The following KCNN2 variants were observed in gnomAD, a reference collection of about 807,000 sequenced individuals.
KCNN2 encodes small conductance calcium-activated potassium channel protein 2.
In KCNN2, 24 loss-of-function variants were observed where a neutral mutation model predicts 55.5. That is an observed-to-expected ratio of 0.43 (90% CI 0.31 to 0.61). The LOEUF (loss-of-function observed/expected upper bound fraction) is 0.61, where lower values mean the gene tolerates loss of function less well. KCNN2 is among the 20% of genes least tolerant of loss of function. The pLI is 0.08. For missense variants in KCNN2, 754 were observed against 853.6 expected (o/e 0.88, Z 1.45); for synonymous variants, 431 against 336.1 (o/e 1.28, Z -3.09).
intron 2 of KCNN2, among the ~76,000 whole-genome samples, chr5:114,255,884 C>T (rs1754972940): frequency 6.6e-6 from 1 of 152,078 alleles, no homozygotes; most frequent in Non-Finnish European, 1.5e-5. Context: ...ATTTAGGGTA[C>T]AATTACAGTT....
rs1348544151 is a variant in KCNN2, at chr5:114,464,809, T to A, written c.1779+1619T>A. Among the ~76,000 whole-genome samples the A allele has an allele frequency of 9.2e-5, 12 of 129,978 alleles. 2 individuals are homozygous for A. Among genetic ancestry groups the A allele is most frequent in the East Asian group, 2.4e-4 (1 of 4,188 alleles). 85.3% of individuals were successfully genotyped at this position (129,978 alleles called of 152,430 possible). ...TAATAGTTTTAATTATAGTGAACTT[T>A]AAAAAAAAAAACGGTATGCTGCATT... is the stretch of plus-strand genomic sequence containing the variant. On this transcript the variant is annotated intron_variant, in intron 4 of 7. Transcript: ENST00000673685.
At chr5:114,145,003 T>C (rs539683370) in intron 1 of KCNN2, among the ~76,000 whole-genome samples, 1 of 152,290 alleles carries the variant, frequency 6.6e-6, no homozygotes, top group South Asian at 2.1e-4. Flanking sequence ...AAGGTGGATT[T>C]ACTTATAACA....
At chr5:114,202,743 C>T (rs1006844408) in intron 1 of KCNN2, among the ~76,000 whole-genome samples, 10 of 151,498 alleles carry the variant, frequency 6.6e-5, no homozygotes, top group South Asian at 4.2e-4. Flanking sequence ...CCTGCCACCA[C>T]GCCTGGCTAA....
intron 2 of KCNN2, among the ~76,000 whole-genome samples, chr5:114,313,599 G>C (rs1011154621): frequency 3.9e-5 from 6 of 152,154 alleles, no homozygotes; most frequent in Admixed American, 3.9e-4. Flanking sequence ...TCAGGAAGGT[G>C]ACCCTGAGAT....
intron 1 of KCNN2, among the ~76,000 whole-genome samples, chr5:114,140,102 G>C (rs1266477737): frequency 6.6e-6 from 1 of 151,688 alleles, no homozygotes; most frequent in South Asian, 2.1e-4. Flanking sequence ...TAGTTTTCTT[G>C]TTATTGGAAG....
At chr5:114,081,032 T>G (rs1328272225) in intron 1 of KCNN2, among the ~76,000 whole-genome samples, 1 of 152,092 alleles carries the variant, frequency 6.6e-6, no homozygotes, top group African/African-American at 2.4e-5. Context: ...TTCTGTATAC[T>G]AATAATGAAT....
At chr5:114,449,252 A>G (rs1316750705) in intron 3 of KCNN2, among the ~76,000 whole-genome samples, 5 of 151,870 alleles carry the variant, frequency 3.3e-5, no homozygotes, top group Admixed American at 1.3e-4. Context: ...CCCTCTTTTC[A>G]GTCTTTGTCA....
chr5:114,406,909 C>T (rs559966602), intron 3 of KCNN2, among the ~76,000 whole-genome samples: 1 of 152,108 alleles, frequency 6.6e-6, no homozygotes, highest in Non-Finnish European at 1.5e-5. Flanking sequence ...TTAGTCTTCT[C>T]TCATGCTTAA....
intron 2 of KCNN2, among the ~76,000 whole-genome samples, chr5:114,263,869 C>T (rs1228646218): frequency 6.6e-6 from 1 of 152,116 alleles, no homozygotes; most frequent in Non-Finnish European, 1.5e-5. Context: ...AGGCTATTGT[C>T]CAAATAGTGC....
chr5:114,434,687 G>C (rs1759940232), intron 3 of KCNN2, among the ~76,000 whole-genome samples: 1 of 152,160 alleles, frequency 6.6e-6, no homozygotes, highest in East Asian at 1.9e-4. Flanking sequence ...GTTCTCAGTC[G>C]TTTAATAAGT....
chr5:114,384,997 CCTGT>C (rs1398989917), intron 2 of KCNN2, among the ~76,000 whole-genome samples: 8 of 151,918 alleles, frequency 5.3e-5, no homozygotes, highest in Admixed American at 1.3e-4. Context: ...CAGATCTGTC[CCTGT>C]CTAAGAAAGT....
chr5:114,232,519 T>G lies in KCNN2; in HGVS notation c.-185+10954T>G, dbSNP rs1754383073. Among the ~76,000 whole-genome samples the G allele has an allele frequency of 1.3e-5, 2 of 151,134 alleles. 1 individual carries two copies. Among genetic ancestry groups the G allele is most frequent in the African/African-American group, 4.9e-5 (2 of 40,442 alleles). ...ATAACTTCCTCTTTACAAGCGGGTCTTTTTATGTATGTATGAGAACATATA... is the reference window on the plus strand; with the variant it reads ...ATAACTTCCTCTTTACAAGCGGGTCGTTTTATGTATGTATGAGAACATATA... On this transcript the variant is annotated intron_variant, in intron 2 of 10. Transcript: ENST00000512097.
intron 2 of KCNN2, among the ~76,000 whole-genome samples, chr5:114,263,646 T>TA (rs1755155082): frequency 6.6e-6 from 1 of 152,068 alleles, no homozygotes; most frequent in Non-Finnish European, 1.5e-5. Flanking sequence ...TTTCTGTTTG[T>TA]AAAAAAATTT....
At chr5:114,289,228 C>T (rs554314370) in intron 2 of KCNN2, among the ~76,000 whole-genome samples, 37 of 152,132 alleles carry the variant, frequency 2.4e-4, no homozygotes, top group African/African-American at 4.8e-4. Context: ...GCCAGTACCA[C>T]GCTGTTTGGA....
At chr5:114,278,337 AT>A (rs151169556) in intron 2 of KCNN2, among the ~76,000 whole-genome samples, 3,839 of 152,288 alleles carry the variant, frequency 0.025, 164 homozygotes, top group African/African-American at 0.088. Flanking sequence ...TCTGTCCATT[AT>A]CAGAGCTCGA....
chr5:114,493,971 T>G (rs1264255259), intron 7 of KCNN2, among the ~76,000 whole-genome samples: 1 of 152,162 alleles, frequency 6.6e-6, no homozygotes, highest in Non-Finnish European at 1.5e-5. Context: ...GATCACTTTT[T>G]TATGGTTCTT....
chr5:114,374,869 C>A (rs968635973), intron 2 of KCNN2, among the ~76,000 whole-genome samples: 1 of 152,098 alleles, frequency 6.6e-6, no homozygotes, highest in Non-Finnish European at 1.5e-5. Context: ...ATGTAGCTAT[C>A]CGTAGTGATT....
chr5:114,276,289 G>A (rs938097022), intron 2 of KCNN2, among the ~76,000 whole-genome samples: 5 of 152,078 alleles, frequency 3.3e-5, no homozygotes, highest in Admixed American at 2.6e-4. Context: ...GTGGTGCTGA[G>A]AAGAATGTAT....
Position 114,393,785 on chromosome 5 carries a change from A to G in KCNN2, c.1219-10653A>G, listed in dbSNP as rs939691835. On this transcript the variant is annotated intron_variant, in intron 2 of 7. Coordinates refer to ENST00000673685, the MANE Select transcript of KCNN2 (RefSeq NM_021614.4). Reference sequence around the variant, plus strand: ...ATAATAGCATGTACTTTGCTTTTAAAAAAAAAACCCTCAGTACTTACTTGA... The same window carrying G: ...ATAATAGCATGTACTTTGCTTTTAAGAAAAAAACCCTCAGTACTTACTTGA... Among the ~76,000 whole-genome samples, 2 of 151,982 alleles carry G rather than the reference A, an allele frequency of 1.3e-5. 1 individual carries two copies. The highest frequency in any genetic ancestry group is 2.9e-5 in the Non-Finnish European group (2 of 67,954).
Sources: allele counts gnomAD v4.1 joint callset (sites outside exome capture counted in the v4.1 genomes callset), GRCh38; gene constraint gnomAD v4.1.1; transcripts MANE v1.5; gene names NCBI Gene and HGNC (gene_info 2026-07-23, HGNC 2026-07-21).